TOX4: variants seen among roughly 807,000 people sequenced by gnomAD.
The protein encoded by TOX4 is epidermal Langerhans cell protein LCP1.
Under a neutral mutation model 61.0 loss-of-function variants are expected in TOX4, and 12 were observed. The ratio of observed to expected loss-of-function variants is 0.20; its 90% CI spans 0.13 to 0.32. The LOEUF is 0.32. TOX4 is among the 10% of genes least tolerant of loss of function. The pLI, the probability that TOX4 is intolerant of heterozygous loss-of-function variation, is 1.00. For missense variants in TOX4, 499 were observed against 753.3 expected (o/e 0.66, Z 3.95); for synonymous variants, 268 against 274.8 (o/e 0.98, Z 0.24).
chr14:21,491,979 C>T (rs180872241), intron 5 of TOX4: 218 of 185,376 alleles, frequency 1.2e-3, no homozygotes, highest in Admixed American at 3.1e-3. Context: ...CCACTGCACT[C>T]GAGCCTGGGC....
chr14:21,494,174 A>G (rs936707649), intron 7 of TOX4, among the ~76,000 whole-genome samples: 1 of 152,358 alleles, frequency 6.6e-6, no homozygotes, highest in East Asian at 1.9e-4. Flanking sequence ...TTGTTACCCA[A>G]GGATCCTAAA....
At chr14:21,483,952 C>T (rs569709681) in intron 2 of TOX4, among the ~76,000 whole-genome samples, 8 of 152,028 alleles carry the variant, frequency 5.3e-5, no homozygotes, top group East Asian at 3.9e-4. Context: ...GGATTACAGA[C>T]GCACACCACC....
rs1015220415 is a variant in TOX4, at chr14:21,493,122, A to G, written c.1506A>G (p.Lys502=). The change falls in exon 7 of 9, where the codon AAA becomes AAG. Residue 502 remains lysine, a synonymous_variant. Transcript: ENST00000448790. Reference sequence around the variant, plus strand: ...AGAGTGTGCCTCTACCCACTTTGAAAATGCAGACTACCTTAGTCCCACCAA... The same window carrying G: ...AGAGTGTGCCTCTACCCACTTTGAAGATGCAGACTACCTTAGTCCCACCAA... ...QIKSVPLPTL[K]MQTTLVPPTV... 1.6e-5 allele frequency: 26 copies of G among 1,613,642 alleles called. No homozygotes were observed. The highest frequency in any genetic ancestry group is 2.2e-5 in the Non-Finnish European group (26 of 1,180,016).
chr14:21,493,397 T>G, intron 7 of TOX4, 140 bp downstream of exon 7: 1 of 782,988 alleles, frequency 1.3e-6, no homozygotes, highest in South Asian at 1.9e-5. Flanking sequence ...TGGGAGTTCC[T>G]TGCAGCAGTT....
rs1847044508 is a variant in TOX4, at chr14:21,492,725, T to C, written c.1109T>C (p.Ile370Thr). The change falls in exon 7 of 9, where the codon ATT (isoleucine) becomes ACT (threonine). Residue 370 changes from isoleucine to threonine, a missense_variant. Physicochemically the swap from Ile to Thr is moderately conservative, Grantham distance 89. Transcript: ENST00000448790. The part of the protein sequence containing the change: ...GGQPNITKLI[I>T]TKQMLPSSIT... ...CAGCCCAATATCACCAAGTTGATTA[T>C]TACCAAACAAATGTTGCCCTCTTCT... The C allele has an allele frequency of 6.2e-7, 1 of 1,614,014 alleles. No homozygotes were observed. The highest frequency in any genetic ancestry group is 1.3e-5 in the African/African-American group (1 of 74,898).
chr14:21,482,047 A>G (rs1284660399), intron 2 of TOX4, among the ~76,000 whole-genome samples: 3 of 152,264 alleles, frequency 2.0e-5, no homozygotes, highest in East Asian at 3.8e-4. Context: ...CATAAGTTGT[A>G]TATCAATGAA....
chr14:21,495,155 C>A (rs1891373830), intron 7 of TOX4, 74 bp from the exon 8 acceptor site: 4 of 1,530,288 alleles, frequency 2.6e-6, no homozygotes, highest in Non-Finnish European at 3.6e-6. Context: ...TTGGTTTCTA[C>A]AGATAATTTA....
At chr14:21,489,111 G>C in intron 4 of TOX4, 62 bp from the exon 5 acceptor site, 1 of 1,535,554 alleles carries the variant, frequency 6.5e-7, no homozygotes. Context: ...CATGTGGCTA[G>C]TTTCCAGACA....
chr14:21,490,302 C>A (rs1455780502), intron 5 of TOX4, among the ~76,000 whole-genome samples: 1 of 151,848 alleles, frequency 6.6e-6, no homozygotes, highest in African/African-American at 2.4e-5. Context: ...CATTGAAACC[C>A]CGACTCTACT....
intron 2 of TOX4, among the ~76,000 whole-genome samples, chr14:21,478,552 T>C (rs1410572625): frequency 6.6e-6 from 1 of 152,240 alleles, no homozygotes; most frequent in Non-Finnish European, 1.5e-5. Flanking sequence ...TATAGATATG[T>C]ATCACTTGTT....
chr14:21,495,215 T>G lies in TOX4; in HGVS notation c.1642-14T>G, dbSNP rs747435975. The G allele has an allele frequency of 5.6e-6, 9 of 1,613,176 alleles. No individual in the cohort carries two copies. Among genetic ancestry groups the G allele is most frequent in the Non-Finnish European group, 7.6e-6 (9 of 1,179,748 alleles). ...GCAATCTAATCCACCTTGGTACTCT[T>G]CTTCTTCTCACAGGTTGAGTCTCCT... is the stretch of plus-strand genomic sequence containing the variant. On this transcript the variant is annotated splice_polypyrimidine_tract_variant and intron_variant, in intron 7 of 8. Coordinates refer to ENST00000448790, the MANE Select transcript of TOX4 (RefSeq NM_014828.4).
Position 21,495,401 on chromosome 14 carries a change from A to G in TOX4, c.1805+9A>G. The G allele has an allele frequency of 6.2e-7, 1 of 1,608,822 alleles. No homozygotes were observed. Among genetic ancestry groups the G allele is most frequent in the African/African-American group, 1.3e-5 (1 of 74,890 alleles). Reference sequence around the variant, plus strand: ...GTGGTGAAGCACTGCAGGTGAGCTTACAGTTCTCCCTTTTATAATTCAGCT... The same window carrying G: ...GTGGTGAAGCACTGCAGGTGAGCTTGCAGTTCTCCCTTTTATAATTCAGCT... On this transcript the variant is annotated intron_variant, in intron 8 of 8. Coordinates refer to ENST00000448790, the MANE Select transcript of TOX4 (RefSeq NM_014828.4).
intron 2 of TOX4, 54 bp downstream of exon 2, chr14:21,477,618 A>G (rs1891020646): frequency 6.3e-7 from 1 of 1,596,560 alleles, no homozygotes; most frequent in Non-Finnish European, 8.6e-7. Flanking sequence ...GCGGTGGGGT[A>G]GGGTAGTGGG....
chr14:21,487,432 C>T lies in TOX4; in HGVS notation c.76-19C>T, dbSNP rs1891207013. On this transcript the variant is annotated intron_variant, in intron 2 of 8. Coordinates refer to ENST00000448790, the MANE Select transcript of TOX4 (RefSeq NM_014828.4). ...TCTCCTCTTTTCACTAATTCTTTTC[C>T]CCCTTTTTTCCCCTACAGACATTCC... 1.2e-6 allele frequency: 2 copies of T among 1,609,424 alleles called. No homozygotes were observed. Among genetic ancestry groups the T allele is most frequent in the East Asian group, 4.5e-5 (2 of 44,786 alleles).
intron 2 of TOX4, 31 bp from the exon 3 acceptor site, chr14:21,487,420 C>T: frequency 1.2e-6 from 2 of 1,606,960 alleles, no homozygotes; most frequent in Non-Finnish European, 1.7e-6. Context: ...CCTCTTTTCA[C>T]TAATTCTTTT....
intron 2 of TOX4, among the ~76,000 whole-genome samples, chr14:21,481,119 A>G (rs2139617931): frequency 6.6e-6 from 1 of 152,278 alleles, no homozygotes; most frequent in South Asian, 2.1e-4. Flanking sequence ...GAGGCAAAAG[A>G]TTTGAACAGT....
chr14:21,493,321 A>T lies in TOX4; in HGVS notation c.1641+64A>T, dbSNP rs1891334727. ...GTATAAAAATGTTTTTGGTTGACCC[A>T]ATAACAGTGGGGGTTGCTACTAGCA... On this transcript the variant is annotated intron_variant, in intron 7 of 8. Coordinates refer to ENST00000448790, the MANE Select transcript of TOX4 (RefSeq NM_014828.4). 3 of 1,517,740 alleles carry T rather than the reference A, an allele frequency of 2.0e-6. No homozygotes were observed. The East Asian group carries it at 6.9e-5, about 35-fold the overall frequency. The allele number at this position is 1,517,740 out of a possible 1,614,324, so 94.0% of individuals were successfully genotyped here.
chr14:21,482,268 C>T (rs988904494), intron 2 of TOX4, among the ~76,000 whole-genome samples: 1 of 152,044 alleles, frequency 6.6e-6, no homozygotes, highest in Non-Finnish European at 1.5e-5. Flanking sequence ...AACATTAGAA[C>T]CAGTTCATTA....
chr14:21,492,153 T>A (rs1315967758), intron 5 of TOX4, 143 bp from the exon 6 acceptor site: 1 of 775,232 alleles, frequency 1.3e-6, no homozygotes, highest in Non-Finnish European at 2.1e-6. Flanking sequence ...GACTGTTAGC[T>A]TTCAGAATTG....
Sources: allele counts gnomAD v4.1 joint callset (sites outside exome capture counted in the v4.1 genomes callset), GRCh38; gene constraint gnomAD v4.1.1; transcripts MANE v1.5; gene names NCBI Gene and HGNC (gene_info 2026-07-23, HGNC 2026-07-21).